ZC3H4: variants seen among roughly 807,000 people sequenced by gnomAD.
ZC3H4 encodes the protein zinc finger CCCH domain-containing protein 4.
ZC3H4 carries 13 observed loss-of-function variants against 108.3 expected under a neutral mutation model. The ratio of observed to expected loss-of-function variants is 0.12; its 90% CI spans 0.08 to 0.19. The LOEUF (loss-of-function observed/expected upper bound fraction) is 0.19, where lower values mean the gene tolerates loss of function less well. Among genes scored for constraint, ZC3H4 ranks in the 10% least tolerant of loss-of-function variants. The pLI, the probability that ZC3H4 is intolerant of heterozygous loss-of-function variation, is 1.00. For synonymous variants in ZC3H4, 917 were observed against 749.6 expected, an observed-to-expected ratio of 1.22 and a Z score of -3.65; for missense variants, 1,734 against 1,838.8, an observed-to-expected ratio of 0.94 and a Z score of 1.04.
At chr19:47,089,866 AC>A in intron 5 of ZC3H4, 100 bp downstream of exon 5, 1 of 1,235,142 alleles carries the variant, frequency 8.1e-7, no homozygotes, top group South Asian at 1.3e-5. Context: ...ACTTATCCCA[AC>A]CCTAAGTGAC....
intron 9 of ZC3H4, among the ~76,000 whole-genome samples, chr19:47,082,919 G>C (rs1033673903): frequency 1.3e-5 from 2 of 152,158 alleles, no homozygotes; most frequent in East Asian, 3.8e-4. Context: ...ACAATACCTA[G>C]GTGAAATCCA....
At chr19:47,080,023 C>G (rs2057493584) in intron 11 of ZC3H4, among the ~76,000 whole-genome samples, 1 of 152,200 alleles carries the variant, frequency 6.6e-6, no homozygotes, top group South Asian at 2.1e-4. Context: ...GCACCCCTCA[C>G]AGGGGTGCCC....
At chr19:47,098,834 A>G (rs1422560563) in intron 2 of ZC3H4, among the ~76,000 whole-genome samples, 8 of 152,226 alleles carry the variant, frequency 5.3e-5, no homozygotes, top group African/African-American at 1.7e-4. Context: ...GAGATATTTC[A>G]TACTGCCTCA....
rs749303279 is a variant in ZC3H4, at chr19:47,094,554, G to A, written c.216C>T (p.Thr72=). Reference sequence around the variant, plus strand: ...TCTCAGGCCCTCCGGAGGTATCCTGGGTCTCCTCTGCCCCATCATCTTCCA... The same window carrying A: ...TCTCAGGCCCTCCGGAGGTATCCTGAGTCTCCTCTGCCCCATCATCTTCCA... ...GELEDDGAEE[T]QDTSGGPERS... is the part of the protein sequence containing the mutation. Residue 72 remains threonine (T), a synonymous_variant, in exon 3 of 15, where the codon ACC becomes ACT. Transcript: ENST00000253048. The A allele has an allele frequency of 5.6e-6, 9 of 1,613,940 alleles. No homozygotes were observed. In the East Asian group the frequency reaches 6.7e-5, roughly 12 times the overall value.
chr19:47,064,685 A>G lies in ZC3H4; in HGVS notation c.*1671T>C. On this transcript the variant is annotated 3_prime_UTR_variant, in exon 15 of 15. Transcript: ENST00000253048. ...CTGTGCCCTCTGCTTCAAGGCCAAC[A>G]CTGGTGGCTGAAGACAAATCTCATT... The G allele has an allele frequency of 6.7e-6, 1 of 149,588 alleles. No individual in the cohort carries two copies. The highest frequency in any genetic ancestry group is 2.0e-4 in the East Asian group (1 of 5,044). 9.3% of individuals were successfully genotyped at this position (149,588 alleles called of 1,614,324 possible).
rs1568530126 is a variant in ZC3H4 at position 47,069,212 on chromosome 19, C to G, written c.2278G>C (p.Asp760His). Residue 760 changes from aspartate (D) to histidine (H), a missense_variant, in exon 14 of 15, where the codon GAC becomes CAC. Asp to His is a moderately conservative substitution (Grantham distance 81, BLOSUM62 -1). Around this residue, in one of 9 missense-constraint regions of ZC3H4, gnomAD observed 540 missense variants for 484.1 expected, o/e 1.12. Transcript: ENST00000253048. ...GCCCTCTGGGCTGAGGGCAGGAAGT[C>G]AGGGACACCGGCGCCTGGCTTCGGC... ...GRPKPGAGVP[D>H]FLPSAQRALY... The G allele has an allele frequency of 6.2e-7, 1 of 1,612,780 alleles. No individual in the cohort carries two copies. Among genetic ancestry groups the G allele is most frequent in the Admixed American group, 1.7e-5 (1 of 60,018 alleles).
intron 11 of ZC3H4, among the ~76,000 whole-genome samples, chr19:47,076,003 T>G (rs929888357): frequency 6.6e-6 from 1 of 152,150 alleles, no homozygotes; most frequent in South Asian, 2.1e-4. Context: ...AGACTATCAG[T>G]GATCACAGTT....
rs1373867687 is a variant in ZC3H4, at chr19:47,081,641, T to G, written c.1331-19A>C. On this transcript the variant is annotated intron_variant, in intron 10 of 14. Coordinates refer to ENST00000253048, the MANE Select transcript of ZC3H4 (RefSeq NM_015168.2). ...AAATCACGTTCATGGCAAATTAAGG[T>G]AAATGCTTCATCTCACAGAACGCCC... 6.2e-7 allele frequency: 1 copy of G among 1,604,908 alleles called. No homozygotes were observed. The highest frequency in any genetic ancestry group is 8.5e-7 in the Non-Finnish European group (1 of 1,171,878).
Position 47,072,277 on chromosome 19 carries a change from C to A in ZC3H4, c.1802+75G>T. On this transcript the variant is annotated intron_variant, in intron 12 of 14. Transcript: ENST00000253048. The surrounding 1 kb of genome is among the most constrained non-coding windows in gnomAD (Gnocchi z 5.6). Reference sequence around the variant, plus strand: ...GAGGCAGGACTCTCCCACAGCCAGGCTTGCCCTAACAAGAGGAGCCTGGCT... The same window carrying A: ...GAGGCAGGACTCTCCCACAGCCAGGATTGCCCTAACAAGAGGAGCCTGGCT... The A allele has an allele frequency of 6.6e-7, 1 of 1,505,304 alleles. No individual in the cohort carries two copies. The highest frequency in any genetic ancestry group is 9.0e-7 in the Non-Finnish European group (1 of 1,108,586). 93.2% of individuals were successfully genotyped at this position (1,505,304 alleles called of 1,614,324 possible).
rs1206541415 is a variant in ZC3H4, at chr19:47,064,378, A to T, written c.*1978T>A. On this transcript the variant is annotated 3_prime_UTR_variant, in exon 15 of 15. Transcript: ENST00000253048. ...TGCACCACCAACTCTCAACTCTGAA[A>T]CAGTATTTACACTTTTGTTACAATC... 1 of 152,580 alleles carries T rather than the reference A, an allele frequency of 6.6e-6. No homozygotes were observed. The highest frequency in any genetic ancestry group is 1.5e-5 in the Non-Finnish European group (1 of 68,042). The allele number at this position is 152,580 out of a possible 1,614,324, so 9.5% of individuals were successfully genotyped here.
In ZC3H4 at chr19:47,072,457, G is replaced by A; in HGVS notation, c.1697C>T (p.Ser566Phe). The A allele has an allele frequency of 6.2e-7, 1 of 1,604,644 alleles. No individual in the cohort carries two copies. The highest frequency in any genetic ancestry group is 8.5e-7 in the Non-Finnish European group (1 of 1,175,812). Residue 566 changes from serine to phenylalanine, a missense_variant, in exon 12 of 15, where the codon TCC becomes TTC. Around this residue, in one of 9 missense-constraint regions of ZC3H4, gnomAD observed 75 missense variants for 85.8 expected, o/e 0.87. Transcript: ENST00000253048. The surrounding 1 kb of genome is among the most constrained non-coding windows in gnomAD (Gnocchi z 5.6). ...GTCCTGCTGCTGCAGCTGCTGCGGGGACAGTGGCTCATGCACCGGCATGGG... is the reference window on the plus strand; with the variant it reads ...GTCCTGCTGCTGCAGCTGCTGCGGGAACAGTGGCTCATGCACCGGCATGGG... Reference protein sequence around the residue: ...QMPMPVHEPLSPQQLQQQDMY... With the variant: ...QMPMPVHEPLFPQQLQQQDMY...
chr19:47,094,239 C>T (rs2057785410), intron 3 of ZC3H4, 150 bp downstream of exon 3: 4 of 1,103,632 alleles, frequency 3.6e-6, no homozygotes, highest in Admixed American at 2.1e-5. Flanking sequence ...GCATAAGCTA[C>T]CAACTCTTTT....
chr19:47,088,381 T>G (rs1287108036), intron 5 of ZC3H4, among the ~76,000 whole-genome samples: 2 of 150,966 alleles, frequency 1.3e-5, no homozygotes, highest in Middle Eastern at 6.9e-3. Flanking sequence ...AAACCCCATC[T>G]CTACTAAAAA....
At chr19:47,076,581 C>T (rs982012561) in intron 11 of ZC3H4, among the ~76,000 whole-genome samples, 2 of 152,180 alleles carry the variant, frequency 1.3e-5, no homozygotes, top group Non-Finnish European at 2.9e-5. Flanking sequence ...CCAGGCCAAG[C>T]GCAGTGGCTC....
rs148193824 is a variant in ZC3H4 at position 47,110,486 on chromosome 19, A to C, written c.161+1938T>G. 3.8e-3 allele frequency among the ~76,000 whole-genome samples: 576 copies of C among 152,334 alleles called. 2 individuals are homozygous for C. The highest frequency in any genetic ancestry group is 0.013 in the African/African-American group (547 of 41,560). Reference sequence around the variant, plus strand: ...AAATTAAACATTGAAAGGATGTGCAAGTCTAAAAGGGCTCAACAGGGTTAG... The same window carrying C: ...AAATTAAACATTGAAAGGATGTGCACGTCTAAAAGGGCTCAACAGGGTTAG... On this transcript the variant is annotated intron_variant, in intron 2 of 14. Coordinates refer to ENST00000253048, the MANE Select transcript of ZC3H4 (RefSeq NM_015168.2).
chr19:47,090,584 G>A (rs1055030875), intron 4 of ZC3H4, among the ~76,000 whole-genome samples: 2 of 152,180 alleles, frequency 1.3e-5, no homozygotes, highest in African/African-American at 4.8e-5. Context: ...GGCCTGCTTG[G>A]CAGCCAGGCT....
chr19:47,098,628 G>A (rs577334668), intron 2 of ZC3H4, among the ~76,000 whole-genome samples: 2 of 151,970 alleles, frequency 1.3e-5, no homozygotes, highest in Non-Finnish European at 2.9e-5. Context: ...GACCAGTGAA[G>A]TGGTGGGTGC....
At chr19:47,079,372 T>A (rs1222463313) in intron 11 of ZC3H4, among the ~76,000 whole-genome samples, 1 of 151,474 alleles carries the variant, frequency 6.6e-6, no homozygotes, top group Admixed American at 6.6e-5. Flanking sequence ...TTCACCTGTT[T>A]CTTTTTACTT....
intron 2 of ZC3H4, among the ~76,000 whole-genome samples, chr19:47,101,837 C>A (rs1032960193): frequency 4.0e-5 from 6 of 150,916 alleles, no homozygotes; most frequent in African/African-American, 1.5e-4. Context: ...CACTGCACTC[C>A]AGCCTGGGCA....
Sources: allele counts gnomAD v4.1 joint callset (sites outside exome capture counted in the v4.1 genomes callset), GRCh38; gene constraint gnomAD v4.1.1; regional missense constraint gnomAD v4.1.1; non-coding constraint Gnocchi (gnomAD v3.1); transcripts MANE v1.5; gene names NCBI Gene and HGNC (gene_info 2026-07-23, HGNC 2026-07-21).